The following ABCA8 variants were observed in gnomAD, a reference collection of about 807,000 sequenced individuals.
ABCA8 encodes the protein ATP binding cassette subfamily A member 8.
In ABCA8, 177 loss-of-function variants were observed where a neutral mutation model predicts 192.3. The ratio of observed to expected loss-of-function variants is 0.92; its 90% CI spans 0.81 to 1.04. ABCA8 has a LOEUF of 1.04. Among genes scored for constraint, ABCA8 ranks in the 50% least tolerant of loss-of-function variants. The probability of loss-of-function intolerance (pLI) is 0.00; values close to 1 mark genes in which losing one functional copy is unlikely to be tolerated. For synonymous variants in ABCA8, 642 were observed against 690.2 expected (o/e 0.93, Z 1.09); for missense variants, 1,915 against 1,904.8 (o/e 1.01, Z -0.10).
Position 68,876,451 on chromosome 17 carries a change from G to A in ABCA8, c.4370+9C>T, listed in dbSNP as rs373936377. 4.4e-5 allele frequency: 71 copies of A among 1,613,842 alleles called. No homozygotes were observed. The highest frequency in any genetic ancestry group is 5.6e-5 in the Non-Finnish European group (66 of 1,179,874). On this transcript the variant is annotated intron_variant, in intron 35 of 39. Transcript: ENST00000586539. ...CCGTGCTGTCCCTGACCGTGGTAAT[G>A]TTCCTCACCACATTTGCTGCTGCCC...
chr17:68,930,263 A>T (rs1044254160), intron 7 of ABCA8, among the ~76,000 whole-genome samples: 1 of 152,178 alleles, frequency 6.6e-6, no homozygotes, highest in Admixed American at 6.5e-5. Flanking sequence ...CTCAGAGACA[A>T]GAAATTCTTC....
chr17:68,876,459 C>T lies in ABCA8; in HGVS notation c.4370+1G>A, dbSNP rs774512771. 3 of 1,614,010 alleles carry T rather than the reference C, an allele frequency of 1.9e-6. No homozygotes were observed. The South Asian group carries it at 3.3e-5, about 18-fold the overall frequency. On this transcript the variant is annotated splice_donor_variant, in intron 35 of 39. Coordinates refer to ENST00000586539, the MANE Select transcript of ABCA8 (RefSeq NM_001288985.2). LOFTEE classifies it high-confidence loss of function. ...TCCCTGACCGTGGTAATGTTCCTCA[C>T]CACATTTGCTGCTGCCCCTCGGGGT...
At chr17:68,953,136 A>G (rs1460801816) in intron 1 of ABCA8, among the ~76,000 whole-genome samples, 1 of 152,192 alleles carries the variant, frequency 6.6e-6, no homozygotes, top group African/African-American at 2.4e-5. Context: ...AGGCTACCTA[A>G]GCTGAATTAT....
chr17:68,890,501 AT>A (rs1235257312), intron 24 of ABCA8, among the ~76,000 whole-genome samples: 1 of 151,848 alleles, frequency 6.6e-6, no homozygotes, highest in Non-Finnish European at 1.5e-5. Flanking sequence ...CTTGCCTTTT[AT>A]TTTATTTTTA....
rs1271470764 is a variant in ABCA8 at position 68,919,388 on chromosome 17, A to G, written c.1701T>C (p.Asn567=). 5.6e-6 allele frequency: 9 copies of G among 1,614,076 alleles called. No individual in the cohort carries two copies. The highest frequency in any genetic ancestry group is 2.2e-5 in the East Asian group (1 of 44,868). ...TTACAGTGAGGAAGTCAAATTGCAC[A>G]TTGGATTGTGGACAAACTCCGGTCA... ...SKLTGVCPQS[N]VQFDFLTVRE... Residue 567 remains asparagine, a synonymous_variant, in exon 14 of 40, where the codon AAT becomes AAC. Coordinates refer to ENST00000586539, the MANE Select transcript of ABCA8 (RefSeq NM_001288985.2).
intron 32 of ABCA8, 142 bp from the exon 33 acceptor site, chr17:68,877,821 A>T (rs1377698290): frequency 1.2e-6 from 1 of 866,006 alleles, no homozygotes; most frequent in South Asian, 2.7e-5. Flanking sequence ...ATCATTTTGC[A>T]TTGGAGAAAG....
At chr17:68,889,487 A>G (rs1489762559) in intron 24 of ABCA8, among the ~76,000 whole-genome samples, 2 of 152,202 alleles carry the variant, frequency 1.3e-5, no homozygotes, top group Non-Finnish European at 2.9e-5. Context: ...TATCTTTTCA[A>G]GTTCTCGCAT....
At chr17:68,942,871 G>A (rs1429813305) in intron 2 of ABCA8, among the ~76,000 whole-genome samples, 1 of 152,012 alleles carries the variant, frequency 6.6e-6, no homozygotes, top group Admixed American at 6.6e-5. Context: ...TAATTACTAT[G>A]TAGTTTCTGT....
At chr17:68,876,410 G>T (rs757011337) in intron 35 of ABCA8, 50 bp downstream of exon 35, 1 of 1,610,202 alleles carries the variant, frequency 6.2e-7, no homozygotes, top group East Asian at 2.2e-5. Flanking sequence ...TGGTTCACAG[G>T]CTCCATGCAA....
At chr17:68,890,104 T>A (rs142828494) in intron 24 of ABCA8, among the ~76,000 whole-genome samples, 215 of 152,336 alleles carry the variant, frequency 1.4e-3, no homozygotes, top group African/African-American at 4.9e-3. Flanking sequence ...AATAAGCATA[T>A]TTTTAACTTT....
chr17:68,885,059 T>C (rs756607351), intron 27 of ABCA8, 137 bp downstream of exon 27: 1 of 1,162,656 alleles, frequency 8.6e-7, no homozygotes. Context: ...TGGGAGAAAA[T>C]CAATTGGATT....
chr17:68,887,091 TG>T lies in ABCA8; in HGVS notation c.3354del (p.Phe1118LeufsTer2). ...AAGATGAAGGAAATCACGTATGTCA[TG>T]AAGATGAGGGAAAAGGAATAACCAA... ...CAVGYSFSLI[F>X]MTYVISFIFR... On this transcript the variant is annotated frameshift_variant, in exon 26 of 40. Coordinates refer to ENST00000586539, the MANE Select transcript of ABCA8 (RefSeq NM_001288985.2). LOFTEE classifies it high-confidence loss of function. 1 of 1,612,442 alleles carries T rather than the reference TG, an allele frequency of 6.2e-7. No individual in the cohort carries two copies. The highest frequency in any genetic ancestry group is 8.5e-7 in the Non-Finnish European group (1 of 1,179,314).
intron 2 of ABCA8, among the ~76,000 whole-genome samples, chr17:68,947,020 T>C (rs991425319): frequency 6.6e-6 from 1 of 152,190 alleles, no homozygotes; most frequent in Non-Finnish European, 1.5e-5. Flanking sequence ...AGCCATTAAA[T>C]AATTTTTGTT....
chr17:68,941,066 A>G (rs1428636076), intron 3 of ABCA8, 104 bp from the exon 4 acceptor site: 3 of 796,758 alleles, frequency 3.8e-6, no homozygotes, highest in Non-Finnish European at 5.9e-6. Flanking sequence ...TCTAACTTCA[A>G]TATATCCCAT....
chr17:68,912,989 G>A (rs957511636), intron 17 of ABCA8, among the ~76,000 whole-genome samples: 2 of 152,020 alleles, frequency 1.3e-5, no homozygotes, highest in Non-Finnish European at 2.9e-5. Flanking sequence ...AAGGATACAC[G>A]ATATGCTAGC....
At chr17:68,930,620 A>C (rs74749220) in intron 7 of ABCA8, among the ~76,000 whole-genome samples, 10,396 of 152,244 alleles carry the variant, frequency 0.068, 1,161 homozygotes, top group African/African-American at 0.23. Context: ...TTATTCTCCC[A>C]ATAGCCCTAT....
chr17:68,912,768 A>G (rs1191082648), intron 17 of ABCA8, among the ~76,000 whole-genome samples: 5 of 152,144 alleles, frequency 3.3e-5, no homozygotes, highest in Non-Finnish European at 1.5e-5. Flanking sequence ...AAGGCTAAAG[A>G]CAGAGAGAGA....
At chr17:68,935,262 T>TTTTGTGTG (rs141469119) in intron 5 of ABCA8, among the ~76,000 whole-genome samples, 1 of 136,052 alleles carries the variant, frequency 7.4e-6, no homozygotes, top group Non-Finnish European at 1.5e-5. Context: ...GCCTGGCTAA[T>TTTTGTGTG]TGTGTGTGTG....
At chr17:68,874,308 A>G (rs1346903751) in intron 37 of ABCA8, among the ~76,000 whole-genome samples, 1 of 152,228 alleles carries the variant, frequency 6.6e-6, no homozygotes, top group Non-Finnish European at 1.5e-5. Context: ...CTTCTCCTCC[A>G]TCCTACTCAA....
Sources: gnomAD v4.1 joint callset for allele counts (sites outside exome capture counted in the v4.1 genomes callset) on GRCh38, gnomAD v4.1.1 for gene constraint, MANE v1.5 for transcripts, NCBI Gene and HGNC (gene_info 2026-07-23, HGNC 2026-07-21) for gene names.